The following PARD3 variants were observed in gnomAD, a reference collection of about 807,000 sequenced individuals.
PARD3 encodes the protein partitioning defective 3 homolog.
PARD3 carries 75 observed loss-of-function variants against 155.4 expected under a neutral mutation model. That is an observed-to-expected ratio of 0.48 (90% CI 0.40 to 0.58). The LOEUF (loss-of-function observed/expected upper bound fraction) is 0.58, where lower values mean the gene tolerates loss of function less well. PARD3 is among the 20% of genes least tolerant of loss of function. The pLI, the probability that PARD3 is intolerant of heterozygous loss-of-function variation, is 0.00. For synonymous variants in PARD3, 576 were observed against 610.5 expected (o/e 0.94, Z 0.83); for missense variants, 1,642 against 1,721.7 (o/e 0.95, Z 0.82).
intron 22 of PARD3, among the ~76,000 whole-genome samples, chr10:34,248,294 A>G (rs1422829260): frequency 6.6e-6 from 1 of 152,226 alleles, no homozygotes; most frequent in Non-Finnish European, 1.5e-5. Context: ...CAATCAAACC[A>G]TTCTGGCCTA....
chr10:34,675,682 A>T (rs764493968), intron 2 of PARD3: 20 of 196,128 alleles, frequency 1.0e-4, no homozygotes, highest in Non-Finnish European at 2.0e-4. Flanking sequence ...TTGGCCTGAG[A>T]TTCCTTATAA....
chr10:34,731,845 G>T (rs1210942930), intron 1 of PARD3, among the ~76,000 whole-genome samples: 1 of 151,402 alleles, frequency 6.6e-6, no homozygotes, highest in African/African-American at 2.5e-5. Flanking sequence ...ATTTACAAGA[G>T]AGGAGTGAAG....
chr10:34,511,337 AT>A (rs1589827999), intron 3 of PARD3, among the ~76,000 whole-genome samples: 1 of 152,200 alleles, frequency 6.6e-6, no homozygotes, highest in East Asian at 1.9e-4. Context: ...CTTGATTATT[AT>A]TTTTTAATGG....
chr10:34,484,514 G>A (rs2079307580), intron 3 of PARD3, among the ~76,000 whole-genome samples: 1 of 152,110 alleles, frequency 6.6e-6, no homozygotes, highest in African/African-American at 2.4e-5. Context: ...AACTAACATA[G>A]TTTTTGTTGT....
chr10:34,364,241 C>A (rs1181234432), intron 12 of PARD3, among the ~76,000 whole-genome samples: 2 of 151,998 alleles, frequency 1.3e-5, no homozygotes, highest in Non-Finnish European at 2.9e-5. Context: ...TGAGAATGTA[C>A]AAAATATTGT....
chr10:34,686,657 T>C (rs2093958189), intron 2 of PARD3, among the ~76,000 whole-genome samples: 1 of 151,436 alleles, frequency 6.6e-6, no homozygotes, highest in Non-Finnish European at 1.5e-5. Context: ...AGGAGAATTA[T>C]CTGAACCTGG....
At chr10:34,606,663 GTC>G (rs2090478000) in intron 2 of PARD3, among the ~76,000 whole-genome samples, 1 of 121,246 alleles carries the variant, frequency 8.2e-6, no homozygotes, top group African/African-American at 3.2e-5. Context: ...AAAAAAAAAA[GTC>G]TGTCTATCAA....
intron 22 of PARD3, among the ~76,000 whole-genome samples, chr10:34,254,049 G>A (rs1954490491): frequency 6.6e-6 from 1 of 152,154 alleles, no homozygotes; most frequent in Non-Finnish European, 1.5e-5. Flanking sequence ...TACCAATGTA[G>A]CAACACTGCA....
chr10:34,193,967 C>A (rs1403127995), intron 22 of PARD3, among the ~76,000 whole-genome samples: 1 of 152,122 alleles, frequency 6.6e-6, no homozygotes, highest in Non-Finnish European at 1.5e-5. Context: ...AATAGATTTC[C>A]TATAGCAGCT....
At chr10:34,436,182 A>G (rs1341555236) in intron 5 of PARD3, among the ~76,000 whole-genome samples, 1 of 152,240 alleles carries the variant, frequency 6.6e-6, no homozygotes, top group African/African-American at 2.4e-5. Flanking sequence ...CAAATGCTAA[A>G]GAATTGAACT....
chr10:34,301,838 T>TTA lies in PARD3; in HGVS notation c.3065+15268_3065+15269insTA, dbSNP rs35384047. ...CCTTTCTTTTTTTTTTTTTTTTTTTTAACATCAAATCAAATAAGCAAGTCC... is the reference window on the plus strand; with the variant it reads ...CCTTTCTTTTTTTTTTTTTTTTTTTTTAAACATCAAATCAAATAAGCAAGTCC... On this transcript the variant is annotated intron_variant, in intron 20 of 24. Transcript: ENST00000374788. Among the ~76,000 whole-genome samples the TTA allele has an allele frequency of 6.8e-3, 1,011 of 147,878 alleles. 14 individuals are homozygous for TTA. Among genetic ancestry groups the TTA allele is most frequent in the African/African-American group, 0.024 (958 of 39,698 alleles).
At chr10:34,393,320 C>T (rs1843008723) in intron 7 of PARD3, among the ~76,000 whole-genome samples, 1 of 151,990 alleles carries the variant, frequency 6.6e-6, no homozygotes, top group African/African-American at 2.4e-5. Context: ...TGGCTCATGC[C>T]CGTAATCCAT....
At chr10:34,514,469 C>T (rs554564956) in intron 3 of PARD3, among the ~76,000 whole-genome samples, 6 of 152,194 alleles carry the variant, frequency 3.9e-5, no homozygotes, top group Admixed American at 2.6e-4. Flanking sequence ...GTCATTAATG[C>T]GGTGGCAAAA....
At chr10:34,364,314 T>C (rs1011309922) in intron 12 of PARD3, among the ~76,000 whole-genome samples, 1 of 152,116 alleles carries the variant, frequency 6.6e-6, no homozygotes, top group Non-Finnish European at 1.5e-5. Flanking sequence ...ATTATAGGAG[T>C]GAGCTCAATA....
rs57442429 is a variant in PARD3, at chr10:34,145,221, ATTT to A, written c.3420-13641_3420-13639del. Among the ~76,000 whole-genome samples, 318 of 33,902 alleles carry A rather than the reference ATTT, an allele frequency of 9.4e-3. 5 individuals are homozygous for A. The highest frequency in any genetic ancestry group is 0.077 in the East Asian group (97 of 1,254). The allele number at this position is 33,902 out of a possible 152,430, so 22.2% of individuals were successfully genotyped here. ...TATATATATATATATATATATATAT[ATTT>A]TTTTTTTTTTTTTTTTTACAGGATC... On this transcript the variant is annotated intron_variant, in intron 22 of 24. Transcript: ENST00000374788.
intron 2 of PARD3, among the ~76,000 whole-genome samples, chr10:34,518,203 T>C (rs1044702321): frequency 3.9e-5 from 6 of 152,054 alleles, no homozygotes; most frequent in Non-Finnish European, 7.4e-5. Context: ...TATAAGTACA[T>C]AGTTAAGTAA....
intron 22 of PARD3, among the ~76,000 whole-genome samples, chr10:34,171,483 G>A (rs1274488): frequency 0.2 from 30,118 of 152,108 alleles, 3,824 homozygotes; most frequent in Non-Finnish European, 0.26. Flanking sequence ...GTAAGAGAAA[G>A]AAATATTAAT....
chr10:34,360,128 G>A lies in PARD3; in HGVS notation c.1839C>T (p.Asn613=), dbSNP rs1839304210. ...TGACAAAGATTCCCAAATCTGCGTG[G>A]TTCTCTTTTGACCGGTTACCTTTGA... is the stretch of plus-strand genomic sequence containing the variant. ...VSVKGNRSKE[N]HADLGIFVKS... Residue 613 remains asparagine (N), a synonymous_variant, in exon 13 of 25, where the codon AAC becomes AAT. Coordinates refer to ENST00000374788, the MANE Select transcript of PARD3 (RefSeq NM_001184785.2). 11 of 1,614,058 alleles carry A rather than the reference G, an allele frequency of 6.8e-6. No homozygotes were observed. The highest frequency in any genetic ancestry group is 7.6e-6 in the Non-Finnish European group (9 of 1,179,962).
chr10:34,301,838 T>A (rs74131689), intron 20 of PARD3, among the ~76,000 whole-genome samples: 25 of 147,898 alleles, frequency 1.7e-4, no homozygotes, highest in African/African-American at 6.3e-4. Context: ...TTTTTTTTTT[T>A]AACATCAAAT....
Sources: allele counts gnomAD v4.1 joint callset (sites outside exome capture counted in the v4.1 genomes callset), GRCh38; gene constraint gnomAD v4.1.1; transcripts MANE v1.5; gene names NCBI Gene and HGNC (gene_info 2026-07-23, HGNC 2026-07-21).